PTPRK: variants seen among roughly 807,000 people sequenced by gnomAD.
The protein encoded by PTPRK is receptor-type tyrosine-protein phosphatase kappa.
A neutral mutation model predicts 178.0 loss-of-function variants in PTPRK; 75 were observed. The ratio of observed to expected loss-of-function variants is 0.42; its 90% CI spans 0.35 to 0.51. The LOEUF (loss-of-function observed/expected upper bound fraction) is 0.51, where lower values mean the gene tolerates loss of function less well. PTPRK is among the 20% of genes least tolerant of loss of function. PTPRK has a pLI of 0.02. For missense variants in PTPRK, 1,441 were observed against 1,797.8 expected (o/e 0.80, Z 3.59); for synonymous variants, 637 against 620.6 (o/e 1.03, Z -0.39).
chr6:128,266,395 G>C (rs1474361108), intron 3 of PTPRK, among the ~76,000 whole-genome samples: 1 of 152,104 alleles, frequency 6.6e-6, no homozygotes, highest in African/African-American at 2.4e-5. Flanking sequence ...AGACAGATGG[G>C]TTAATGAGGC....
chr6:128,280,913 A>G (rs1176806803), intron 3 of PTPRK, among the ~76,000 whole-genome samples: 2 of 152,182 alleles, frequency 1.3e-5, no homozygotes, highest in Non-Finnish European at 2.9e-5. Flanking sequence ...TTTTTGTAGC[A>G]TATTCTTTGA....
rs547921475 is a variant in PTPRK at position 128,013,208 on chromosome 6, T to C, written c.2195-3940A>G. ...CTAGTTTTCTGAGGACTCTGGTCTC[T>C]CCTTTCCAGATTTTTGTTTGCTCAT... On this transcript the variant is annotated intron_variant, in intron 13 of 29. Transcript: ENST00000368226. Among the ~76,000 whole-genome samples the C allele has an allele frequency of 3.3e-5, 5 of 151,514 alleles. No individual in the cohort carries two copies. In the East Asian group the frequency reaches 9.7e-4, roughly 29 times the overall value.
chr6:128,092,265 T>C (rs892483749), intron 7 of PTPRK, among the ~76,000 whole-genome samples: 1 of 152,136 alleles, frequency 6.6e-6, no homozygotes, highest in Non-Finnish European at 1.5e-5. Flanking sequence ...GAATGTATGC[T>C]TTAAAGGGCC....
At chr6:128,409,350 A>G (rs755353015) in intron 1 of PTPRK, 1 of 454,530 alleles carries the variant, frequency 2.2e-6, no homozygotes, top group Non-Finnish European at 4.4e-6. Flanking sequence ...TAAAATCAGA[A>G]TGCAAAATAG....
intron 3 of PTPRK, among the ~76,000 whole-genome samples, chr6:128,297,002 T>C (rs1276950544): frequency 2.0e-5 from 3 of 150,884 alleles, no homozygotes; most frequent in African/African-American, 4.9e-5. Flanking sequence ...GAGACACACA[T>C]AGGCTCAAAA....
chr6:128,111,947 T>C (rs999295010), intron 7 of PTPRK, among the ~76,000 whole-genome samples: 4 of 152,108 alleles, frequency 2.6e-5, no homozygotes, highest in Non-Finnish European at 5.9e-5. Context: ...GAATGACTTA[T>C]GATTGAATGA....
intron 3 of PTPRK, among the ~76,000 whole-genome samples, chr6:128,244,037 C>T (rs1325144247): frequency 6.6e-6 from 1 of 152,146 alleles, no homozygotes; most frequent in Non-Finnish European, 1.5e-5. Flanking sequence ...AACTTACTGA[C>T]TCAGTTGTGA....
intron 2 of PTPRK, among the ~76,000 whole-genome samples, chr6:128,358,086 T>C (rs904598783): frequency 2.6e-5 from 4 of 152,374 alleles, no homozygotes; most frequent in Non-Finnish European, 5.9e-5. Context: ...TATAGTTTTA[T>C]AACTTTAATA....
intron 7 of PTPRK, among the ~76,000 whole-genome samples, chr6:128,172,634 G>A (rs1800447869): frequency 6.7e-6 from 1 of 149,860 alleles, no homozygotes; most frequent in Admixed American, 6.6e-5. Context: ...TAGTGTGTGT[G>A]TATATATATA....
At chr6:128,246,715 C>G (rs1815531322) in intron 3 of PTPRK, among the ~76,000 whole-genome samples, 1 of 152,202 alleles carries the variant, frequency 6.6e-6, no homozygotes, top group African/African-American at 2.4e-5. Flanking sequence ...CCAGGCTTCC[C>G]AGAAGAAGAG....
At chr6:128,176,329 C>G (rs529051007) in intron 7 of PTPRK, among the ~76,000 whole-genome samples, 1 of 151,696 alleles carries the variant, frequency 6.6e-6, no homozygotes, top group Non-Finnish European at 1.5e-5. Context: ...TTTATGATTG[C>G]TTATTATTAT....
chr6:128,304,486 T>A (rs1198053515), intron 3 of PTPRK, among the ~76,000 whole-genome samples: 1 of 152,176 alleles, frequency 6.6e-6, no homozygotes, highest in Non-Finnish European at 1.5e-5. Flanking sequence ...AACATTTAAG[T>A]TTTTTTGAAA....
chr6:128,406,785 T>C (rs1048967917), intron 1 of PTPRK, among the ~76,000 whole-genome samples: 23 of 152,208 alleles, frequency 1.5e-4, no homozygotes, highest in African/African-American at 3.6e-4. Context: ...TCACAGTAAC[T>C]TTCTCCTCAA....
At position 128,108,270 on chromosome 6, in the gene PTPRK, TA is replaced by T. The variant is rs544832382; in HGVS notation, c.1163-18279del. On this transcript the variant is annotated intron_variant, in intron 7 of 29. Coordinates refer to ENST00000368226, the MANE Select transcript of PTPRK (RefSeq NM_002844.4). Reference sequence around the variant, plus strand: ...AAGCTAATACAGTCATTTTAGTGAATAAAAAATAGCTAAGACATTATCAATA... The same window carrying T: ...AAGCTAATACAGTCATTTTAGTGAATAAAAATAGCTAAGACATTATCAATA... Among the ~76,000 whole-genome samples the T allele has an allele frequency of 7.2e-5, 11 of 152,026 alleles. No homozygotes were observed. The South Asian group carries it at 2.3e-3, about 32-fold the overall frequency.
chr6:128,401,195 C>T lies in PTPRK; in HGVS notation c.101-3507G>A, dbSNP rs146281986. The stretch of plus-strand genomic sequence containing the variant: ...AGCAAGCCACTTAAGGGGTTGGCAA[C>T]CTGTTCATCTGAAAATAAAAATCAA... On this transcript the variant is annotated intron_variant, in intron 1 of 29. Transcript: ENST00000368226. 1.7e-3 allele frequency among the ~76,000 whole-genome samples: 254 copies of T among 152,226 alleles called. 1 individual carries two copies. The highest frequency in any genetic ancestry group is 5.8e-3 in the African/African-American group (240 of 41,550).
intron 2 of PTPRK, among the ~76,000 whole-genome samples, chr6:128,324,147 C>A (rs774611111): frequency 2.0e-5 from 3 of 152,080 alleles, no homozygotes; most frequent in Non-Finnish European, 4.4e-5. Context: ...CTTCACAAAC[C>A]TGTAGCCTAT....
chr6:128,132,468 A>T (rs1794403381), intron 7 of PTPRK, among the ~76,000 whole-genome samples: 3 of 152,180 alleles, frequency 2.0e-5, no homozygotes, highest in African/African-American at 7.2e-5. Context: ...CACAGCGCCC[A>T]GCCCAGGCTG....
chr6:128,214,312 A>C lies in PTPRK; in HGVS notation c.868+4610T>G, dbSNP rs147417022. Reference sequence around the variant, plus strand: ...CGATCCTACTGATTACCTATGATTCATACTGTTACTTGACTTAGTATGGTA... The same window carrying C: ...CGATCCTACTGATTACCTATGATTCCTACTGTTACTTGACTTAGTATGGTA... On this transcript the variant is annotated intron_variant, in intron 6 of 29. Coordinates refer to ENST00000368226, the MANE Select transcript of PTPRK (RefSeq NM_002844.4). Among the ~76,000 whole-genome samples, 6 of 152,222 alleles carry C rather than the reference A, an allele frequency of 3.9e-5. No individual in the cohort carries two copies. In the East Asian group the frequency reaches 1.2e-3, roughly 29 times the overall value.
Position 127,983,266 on chromosome 6 carries a change from C to G in PTPRK, c.3363G>C (p.Arg1121=). Residue 1121 remains arginine (R), a synonymous_variant, in exon 23 of 30, where the codon CGG becomes CGC. Coordinates refer to ENST00000368226, the MANE Select transcript of PTPRK (RefSeq NM_002844.4). ...IYNCVKALRS[R]RINMVQTEEQ... ...CCTCTGTCTGGACCATATTAATACG[C>G]CGAGATCTTAAGGCTTTGACACAAT... The G allele has an allele frequency of 6.2e-7, 1 of 1,612,738 alleles. No individual in the cohort carries two copies. The highest frequency in any genetic ancestry group is 1.1e-5 in the South Asian group (1 of 90,922).
Sources: gnomAD v4.1 joint callset for allele counts (sites outside exome capture counted in the v4.1 genomes callset) on GRCh38, gnomAD v4.1.1 for gene constraint, MANE v1.5 for transcripts, NCBI Gene and HGNC (gene_info 2026-07-23, HGNC 2026-07-21) for gene names.